Variants in ARSD observed in about 807,000 individuals in gnomAD.
ARSD encodes the protein arylsulfatase D.
ARSD carries 21 observed loss-of-function variants against 32.6 expected under a neutral mutation model. That is an observed-to-expected ratio of 0.64 (90% CI 0.46 to 0.93). The LOEUF is 0.93. Ranked by LOEUF, ARSD falls within the 40% of genes least tolerant of loss-of-function variation. The probability of loss-of-function intolerance (pLI) is 0.00; values close to 1 mark genes in which losing one functional copy is unlikely to be tolerated. For synonymous variants in ARSD, 224 were observed against 237.4 expected (o/e 0.94, Z 0.52); for missense variants, 454 against 520.9 (o/e 0.87, Z 1.25).
At chrX:2,908,541 C>A (rs374351680) in intron 9 of ARSD, among the ~76,000 whole-genome samples, 180 bp downstream of exon 9, 1 of 100,383 alleles carries the variant, frequency 1.0e-5, no homozygotes, top group South Asian at 5.3e-4. Flanking sequence ...CTCTCCCCCC[C>A]CCATCATCTA....
At chrX:2,914,623 G>C (rs1210933743) in intron 6 of ARSD, 1 of 1,025,626 alleles carries the variant, frequency 9.8e-7, no homozygotes, top group East Asian at 6.1e-5. Flanking sequence ...GAATTTTAAT[G>C]TCTATGCTCT....
At chrX:2,914,386 C>A in intron 6 of ARSD, 2 of 480,714 alleles carry the variant, frequency 4.2e-6, no homozygotes, top group South Asian at 5.4e-5. Context: ...GTGCACACCA[C>A]CATGGCTAAT....
At position 2,924,401 on chromosome X, in the gene ARSD, G is replaced by T. The variant is rs2089061414; in HGVS notation, c.194+1215C>A. Reference sequence around the variant, plus strand: ...AAGAAGGGAGGCCCTGCTCTGCGGGGACCGCTCCTGAGGTTGGCAGCTATT... The same window carrying T: ...AAGAAGGGAGGCCCTGCTCTGCGGGTACCGCTCCTGAGGTTGGCAGCTATT... On this transcript the variant is annotated intron_variant, in intron 2 of 9. Transcript: ENST00000381154. Among the ~76,000 whole-genome samples the T allele has an allele frequency of 2.6e-5, 3 of 113,733 alleles. No homozygotes were observed. The South Asian group carries it at 1.1e-3, about 40-fold the overall frequency.
intron 6 of ARSD, among the ~76,000 whole-genome samples, chrX:2,911,433 G>A (rs1193470187): frequency 9.1e-6 from 1 of 109,751 alleles, no homozygotes; most frequent in Non-Finnish European, 1.9e-5. Context: ...CACTTTCGGA[G>A]GCTGAGGCGG....
intron 6 of ARSD, among the ~76,000 whole-genome samples, chrX:2,911,660 A>G (rs1428015461): frequency 1.1e-5 from 1 of 91,939 alleles, no homozygotes; most frequent in Admixed American, 1.2e-4. Flanking sequence ...ACAGGGTGAG[A>G]CTCCATCTCA....
At chrX:2,911,869 C>G (rs918157696) in intron 6 of ARSD, among the ~76,000 whole-genome samples, 7 of 110,983 alleles carry the variant, frequency 6.3e-5, no homozygotes, top group African/African-American at 2.3e-4. Flanking sequence ...GGCACAGTGG[C>G]TCATGCCTGT....
intron 1 of ARSD, among the ~76,000 whole-genome samples, chrX:2,928,132 A>C (rs1039773967): frequency 1.8e-5 from 2 of 110,644 alleles, no homozygotes; most frequent in African/African-American, 6.6e-5. Flanking sequence ...CTGGGGCGCA[A>C]ATGAAGCTGG....
At chrX:2,921,113 C>A (rs2089024681) in intron 3 of ARSD, among the ~76,000 whole-genome samples, 1 of 110,937 alleles carries the variant, frequency 9.0e-6, no homozygotes, top group Admixed American at 9.6e-5. Context: ...AATCATCTAG[C>A]CCCAAATGTC....
At chrX:2,918,283 G>A (rs190820309) in intron 4 of ARSD, 56 bp from the exon 5 acceptor site, 22 of 1,042,814 alleles carry the variant, frequency 2.1e-5, no homozygotes, top group Non-Finnish European at 2.5e-5. Flanking sequence ...CCTGTCTGCT[G>A]CAAAGAACCT....
At position 2,921,963 on chromosome X, in the gene ARSD, C is replaced by A. The variant is rs772412380; in HGVS notation, c.256G>T (p.Ala86Ser). 1 of 1,209,238 alleles carries A rather than the reference C, an allele frequency of 8.3e-7. No individual in the cohort carries two copies. The highest frequency in any genetic ancestry group is 2.2e-5 in the Admixed American group (1 of 45,643). The change falls in exon 3 of 10, where the codon GCC becomes TCC. Residue 86 changes from alanine (A) to serine (S), a missense_variant. Ala to Ser is a moderately conservative substitution (Grantham distance 99). This residue lies in a region of ARSD where 271 missense variants were observed against 301.0 expected (regional missense o/e 0.90). Transcript: ENST00000381154. ...GVRLTQHLAA[A>S]PLCTPSRAAF... is the part of the protein sequence containing the mutation. ...GCTCGGCTTGGGGTGCAGAGCGGGG[C>A]GGCCGCCAGGTGCTGAGTGAGCCTC...
At chrX:2,908,973 T>G in intron 8 of ARSD, 131 bp from the exon 9 acceptor site, 2 of 992,497 alleles carry the variant, frequency 2.0e-6, no homozygotes, top group Non-Finnish European at 2.7e-6. Context: ...GTCTCTCCAG[T>G]CGCTGTTCAG....
intron 6 of ARSD, chrX:2,913,418 T>A (rs1237721897): frequency 1.7e-6 from 1 of 595,275 alleles, no homozygotes; most frequent in Non-Finnish European, 2.0e-6. Flanking sequence ...AACCAGTCTC[T>A]CAGGTTAAAT....
In ARSD at chrX:2,905,090, G is replaced by C. The variant is rs1225834537; in HGVS notation, c.*2181C>G. ...GTAGGATTTGGACACAGGGAGCCAG[G>C]GGAGAGGGGCATCAGCTGCCTGGTT... On this transcript the variant is annotated 3_prime_UTR_variant, in exon 10 of 10. Coordinates refer to ENST00000381154, the MANE Select transcript of ARSD (RefSeq NM_001669.4). 10 of 337,097 alleles carry C rather than the reference G, an allele frequency of 3.0e-5. No homozygotes were observed. The Admixed American group carries it at 3.2e-4, about 11-fold the overall frequency. 27.8% of individuals were successfully genotyped at this position (337,097 alleles called of 1,213,427 possible). A position where few individuals can be genotyped will look rare whatever the true frequency, so the allele number is the denominator to read the frequency against.
intron 1 of ARSD, among the ~76,000 whole-genome samples, chrX:2,928,427 C>T (rs1391680759): frequency 2.2e-5 from 1 of 46,038 alleles, no homozygotes; most frequent in Non-Finnish European, 3.8e-5. Flanking sequence ...AGGATGGGGT[C>T]TGGGGGAAGG....
At chrX:2,912,894 A>G (rs1365525457) in intron 6 of ARSD, among the ~76,000 whole-genome samples, 3 of 112,579 alleles carry the variant, frequency 2.7e-5, no homozygotes, top group Non-Finnish European at 5.6e-5. Context: ...GAAAGTCAAA[A>G]TGATATAAAC....
intron 4 of ARSD, among the ~76,000 whole-genome samples, chrX:2,918,925 C>T (rs1306192385): frequency 9.1e-6 from 1 of 109,503 alleles, no homozygotes; most frequent in Non-Finnish European, 1.9e-5. Context: ...ACCAGCCTGG[C>T]CAACATGCTG....
intron 9 of ARSD, among the ~76,000 whole-genome samples, 153 bp downstream of exon 9, chrX:2,908,568 C>T (rs774786887): frequency 4.1e-5 from 4 of 97,591 alleles, no homozygotes; most frequent in East Asian, 3.4e-4. Flanking sequence ...ATCTACTCAT[C>T]GGTTTATCTA....
At chrX:2,914,269 G>A in intron 6 of ARSD, 2 of 706,347 alleles carry the variant, frequency 2.8e-6, no homozygotes, top group Non-Finnish European at 3.4e-6. Context: ...TTGCTATGTG[G>A]CCCAGGCTGG....
chrX:2,923,867 G>T (rs1243466676), intron 2 of ARSD, among the ~76,000 whole-genome samples: 1 of 112,169 alleles, frequency 8.9e-6, no homozygotes, highest in Non-Finnish European at 1.9e-5. Flanking sequence ...TTCTTTGGGG[G>T]TATGCAAATG....
Sources: gnomAD v4.1 joint callset for allele counts (sites outside exome capture counted in the v4.1 genomes callset) on GRCh38, gnomAD v4.1.1 for gene constraint, gnomAD v4.1.1 regional missense constraint, MANE v1.5 for transcripts, NCBI Gene and HGNC (gene_info 2026-07-23, HGNC 2026-07-21) for gene names.